The following CSF1R variants were observed in gnomAD, a reference collection of about 807,000 sequenced individuals.
The protein encoded by CSF1R is colony stimulating factor 1 receptor.
In CSF1R, 40 loss-of-function variants were observed where a neutral mutation model predicts 110.0. The ratio of observed to expected loss-of-function variants is 0.36; its 90% CI spans 0.28 to 0.47. The LOEUF (loss-of-function observed/expected upper bound fraction) is 0.47, where lower values mean the gene tolerates loss of function less well. CSF1R is among the 20% of genes least tolerant of loss of function. CSF1R has a pLI of 0.99. For missense variants in CSF1R, 1,052 were observed against 1,253.0 expected (o/e 0.84, Z 2.42); for synonymous variants, 523 against 503.4 (o/e 1.04, Z -0.52).
Position 150,077,208 on chromosome 5 carries a change from C to A in CSF1R, c.889+68G>T, listed in dbSNP as rs2855781. ...CTCCTTCCCTGACATCAGCTTCCTC[C>A]TCAAAACCCTTCTGCTCACACTCCT... On this transcript the variant is annotated intron_variant, in intron 5 of 20. Transcript: ENST00000675795. 780,021 of 1,597,474 alleles carry A rather than the reference C, an allele frequency of 0.49. 199,852 individuals are homozygous for A. The highest frequency in any genetic ancestry group is 0.52 in the Non-Finnish European group (609,716 of 1,165,726).
At chr5:150,077,638 C>A (rs941499554) in intron 4 of CSF1R, among the ~76,000 whole-genome samples, 3 of 152,184 alleles carry the variant, frequency 2.0e-5, no homozygotes, top group Admixed American at 6.5e-5. Context: ...TGGCTTAGGG[C>A]TGTGTCTGGA....
rs144599328 is a variant in CSF1R, at chr5:150,076,599, C to G, written c.889+677G>C. On this transcript the variant is annotated intron_variant, in intron 5 of 20. Coordinates refer to ENST00000675795, the MANE Select transcript of CSF1R (RefSeq NM_001288705.3). Reference sequence around the variant, plus strand: ...AATGACCTCCCAATAGGTTAAGATGCAGTTATTCTTTCTCACTTTAAGACA... The same window carrying G: ...AATGACCTCCCAATAGGTTAAGATGGAGTTATTCTTTCTCACTTTAAGACA... Among the ~76,000 whole-genome samples, 301 of 152,252 alleles carry G rather than the reference C, an allele frequency of 2.0e-3. 2 individuals are homozygous for G. The highest frequency in any genetic ancestry group is 6.3e-3 in the African/African-American group (260 of 41,552).
intron 5 of CSF1R, 147 bp from the exon 6 acceptor site, chr5:150,073,640 A>AC: frequency 1.4e-6 from 1 of 715,098 alleles, no homozygotes; most frequent in Non-Finnish European, 2.2e-6. Context: ...GTCCTCTGAC[A>AC]CCCCTCTTCT....
Position 150,057,395 on chromosome 5 carries a change from A to T in CSF1R, c.2222-11T>A. ...CCTCCTTGTCCAGGTCTAGGGTGGG[A>T]AGAGGCGTCAGGGCAGCCCTGCCAC... On this transcript the variant is annotated splice_polypyrimidine_tract_variant and intron_variant, in intron 15 of 20. Coordinates refer to ENST00000675795, the MANE Select transcript of CSF1R (RefSeq NM_001288705.3). 1 of 1,613,570 alleles carries T rather than the reference A, an allele frequency of 6.2e-7. No homozygotes were observed. Among genetic ancestry groups the T allele is most frequent in the Non-Finnish European group, 8.5e-7 (1 of 1,179,570 alleles).
chr5:150,059,632 G>A (rs1757410692), intron 14 of CSF1R, 68 bp downstream of exon 14: 2 of 1,576,998 alleles, frequency 1.3e-6, no homozygotes, highest in African/African-American at 1.3e-5. Context: ...CCCTGAGCTG[G>A]CTTTGAAGAC....
In CSF1R at chr5:150,080,970, C is replaced by T. The variant is rs1397361181; in HGVS notation, c.104G>A (p.Gly35Glu). Residue 35 changes from glycine to glutamate, a missense_variant, in exon 2 of 21, where the codon GGA becomes GAA. Around this residue, in one of 5 missense-constraint regions of CSF1R, gnomAD observed 693 missense variants for 735.4 expected, o/e 0.94. Transcript: ENST00000675795. The part of the protein sequence containing the change: ...PSVPELVVKP[G>E]ATVTLRCVGN... ...CACACATCGCAAGGTCACCGTTGCT[C>T]CTGGCTTCACGACCAGCTCAGGGAC... The T allele has an allele frequency of 1.2e-6, 2 of 1,614,120 alleles. No individual in the cohort carries two copies. The highest frequency in any genetic ancestry group is 1.7e-4 in the Middle Eastern group (1 of 6,060).
chr5:150,070,430 A>T (rs779977623), intron 7 of CSF1R, 26 bp downstream of exon 7: 1 of 1,553,604 alleles, frequency 6.4e-7, no homozygotes, highest in South Asian at 1.2e-5. Flanking sequence ...CCTCCGCCCC[A>T]GGTGGCGCTC....
chr5:150,099,734 A>G (rs1400559804), intron 1 of CSF1R, among the ~76,000 whole-genome samples: 1 of 126,982 alleles, frequency 7.9e-6, no homozygotes, highest in Non-Finnish European at 1.6e-5. Flanking sequence ...GGCTTCAAAG[A>G]ACCGGCAGGG....
chr5:150,095,645 C>T (rs896692007), intron 1 of CSF1R, among the ~76,000 whole-genome samples: 6 of 149,838 alleles, frequency 4.0e-5, no homozygotes, highest in East Asian at 1.9e-4. Context: ...CCAAATTGAC[C>T]GTAGGAAGGA....
chr5:150,101,660 CTT>C lies in CSF1R; in HGVS notation c.-181+11599_-181+11600del, dbSNP rs34618542. ...ACTCCTTGCTTGCTTTCCTTGCCTTCTTTTTTTTTTTTTTTTAATACTAGTGG... is the reference window on the plus strand; with the variant it reads ...ACTCCTTGCTTGCTTTCCTTGCCTTCTTTTTTTTTTTTTTAATACTAGTGG... On this transcript the variant is annotated intron_variant, in intron 1 of 21. Coordinates refer to the CSF1R transcript ENST00000286301. 2.4e-3 allele frequency among the ~76,000 whole-genome samples: 337 copies of C among 139,960 alleles called. 1 individual carries two copies. Among genetic ancestry groups the C allele is most frequent in the African/African-American group, 5.8e-3 (220 of 38,138 alleles). 91.8% of individuals were successfully genotyped at this position (139,960 alleles called of 152,430 possible).
rs779857461 is a variant in CSF1R, at chr5:150,059,744, G to A, written c.2088C>T (p.Gly696=). ...SLSPGQDPEG[G]VDYKNIHLEK... is the part of the protein sequence containing the mutation. ...CGAGGTGGATGTTCTTATAGTCGAC[G>A]CCTCCCTCGGGGTCCTGGCCGGGGC... Residue 696 remains glycine, a synonymous_variant, in exon 14 of 21, where the codon GGC becomes GGT. Coordinates refer to ENST00000675795, the MANE Select transcript of CSF1R (RefSeq NM_001288705.3). The A allele has an allele frequency of 1.1e-5, 17 of 1,614,164 alleles. No individual in the cohort carries two copies. Among genetic ancestry groups the A allele is most frequent in the Middle Eastern group, 1.6e-4 (1 of 6,062 alleles).
rs141929496 is a variant in CSF1R, at chr5:150,091,802, C to A, written c.-180-5195G>T. On this transcript the variant is annotated intron_variant, in intron 1 of 21. Coordinates refer to the CSF1R transcript ENST00000286301. ...AAAAAAGAGAAGGGATAAAGATTATCTTTGACAAACAAAAACTAAGAGAAT... is the reference window on the plus strand; with the variant it reads ...AAAAAAGAGAAGGGATAAAGATTATATTTGACAAACAAAAACTAAGAGAAT... 5.0e-4 allele frequency among the ~76,000 whole-genome samples: 62 copies of A among 123,192 alleles called. No homozygotes were observed. In the East Asian group the frequency reaches 0.015, roughly 29 times the overall value. The allele number at this position is 123,192 out of a possible 152,430, so 80.8% of individuals were successfully genotyped here.
At chr5:150,063,916 G>C (rs1439871071) in intron 10 of CSF1R, among the ~76,000 whole-genome samples, 1 of 152,200 alleles carries the variant, frequency 6.6e-6, no homozygotes, top group Non-Finnish European at 1.5e-5. Context: ...GAAACTTAAA[G>C]GAAGTGTGGA....
chr5:150,082,810 A>G (rs1486599665), intron 1 of CSF1R, among the ~76,000 whole-genome samples: 2 of 152,204 alleles, frequency 1.3e-5, no homozygotes, highest in African/African-American at 4.8e-5. Context: ...GATGTATAGA[A>G]CTACTCCTGC....
intron 9 of CSF1R, 95 bp downstream of exon 9, chr5:150,069,778 A>T (rs1757947107): frequency 8.2e-7 from 1 of 1,213,896 alleles, no homozygotes; most frequent in Non-Finnish European, 1.1e-6. Flanking sequence ...AGCCAACCCC[A>T]GCTCCCTCGG....
At chr5:150,088,192 G>A (rs748190762), upstream of CSF1R, among the ~76,000 whole-genome samples, 2 of 151,904 alleles carry the variant, frequency 1.3e-5, no homozygotes, top group Non-Finnish European at 2.9e-5. Context: ...AAAGTGTTTT[G>A]AACCTTTAGC....
intron 1 of CSF1R, chr5:150,094,836 CT>C (rs1759167278): frequency 7.8e-7 from 1 of 1,276,582 alleles, no homozygotes; most frequent in African/African-American, 1.6e-5. Context: ...TGCTCGATCT[CT>C]TGGTAAATAC....
At chr5:150,059,356 C>T (rs927750457) in intron 14 of CSF1R, among the ~76,000 whole-genome samples, 1 of 152,208 alleles carries the variant, frequency 6.6e-6, no homozygotes, top group Admixed American at 6.5e-5. Context: ...ATCTGCCCAT[C>T]TCTTACTAGG....
intron 1 of CSF1R, among the ~76,000 whole-genome samples, chr5:150,093,438 T>C (rs558538590): frequency 6.6e-6 from 1 of 152,316 alleles, no homozygotes; most frequent in East Asian, 1.9e-4. Context: ...TAATTTACGA[T>C]GTAAGTTGTA....
Sources: allele counts gnomAD v4.1 joint callset (sites outside exome capture counted in the v4.1 genomes callset), GRCh38; gene constraint gnomAD v4.1.1; regional missense constraint gnomAD v4.1.1; transcripts MANE v1.5; gene names NCBI Gene and HGNC (gene_info 2026-07-23, HGNC 2026-07-21).